DPYS: variants seen among roughly 807,000 people sequenced by gnomAD.
The protein encoded by DPYS is dihydropyrimidine amidohydrolase.
DPYS carries 39 observed loss-of-function variants against 50.3 expected under a neutral mutation model. That is an observed-to-expected ratio of 0.78 (90% CI 0.60 to 1.01). The LOEUF is 1.01. Among genes scored for constraint, DPYS ranks in the 50% least tolerant of loss-of-function variants. The pLI is 0.00. For synonymous variants in DPYS, 245 were observed against 250.7 expected (o/e 0.98, Z 0.22); for missense variants, 659 against 680.9 (o/e 0.97, Z 0.36).
At chr8:104,401,996 T>C (rs746913359) in intron 7 of DPYS, among the ~76,000 whole-genome samples, 1 of 152,204 alleles carries the variant, frequency 6.6e-6, no homozygotes, top group Non-Finnish European at 1.5e-5. Flanking sequence ...CGGTGCTCAG[T>C]AGATGACAAA....
intron 4 of DPYS, among the ~76,000 whole-genome samples, chr8:104,443,946 G>A (rs1386770044): frequency 1.3e-5 from 2 of 152,168 alleles, no homozygotes; most frequent in East Asian, 1.9e-4. Flanking sequence ...ATATTTAAAA[G>A]TGGCTGCTAG....
intron 9 of DPYS, among the ~76,000 whole-genome samples, chr8:104,380,294 G>T (rs145401062): frequency 6.6e-6 from 1 of 152,170 alleles, no homozygotes; most frequent in Non-Finnish European, 1.5e-5. Flanking sequence ...GTCAAACTGT[G>T]CCTCTCATTA....
At chr8:104,432,555 C>T (rs1044246798) in intron 4 of DPYS, among the ~76,000 whole-genome samples, 4 of 152,212 alleles carry the variant, frequency 2.6e-5, no homozygotes, top group African/African-American at 9.7e-5. Context: ...CAAAAGGATA[C>T]AGCCAAACTT....
chr8:104,408,542 C>G (rs186940323), intron 7 of DPYS, among the ~76,000 whole-genome samples: 7 of 152,336 alleles, frequency 4.6e-5, no homozygotes, highest in East Asian at 1.9e-4. Flanking sequence ...AGAGATTGTG[C>G]TGTATCAAAA....
rs1441479952 is a variant in DPYS at position 104,381,475 on chromosome 8, C to G, written c.1444-161G>C. 6.0e-6 allele frequency: 4 copies of G among 665,110 alleles called. No individual in the cohort carries two copies. The Admixed American group carries it at 8.8e-5, about 15-fold the overall frequency. 41.2% of individuals were successfully genotyped at this position (665,110 alleles called of 1,614,324 possible). ...GCCTTTCACGGAAATTCCTGGCAACCTTGAGAATCTGGATTGTCCCACTTT... is the reference window on the plus strand; with the variant it reads ...GCCTTTCACGGAAATTCCTGGCAACGTTGAGAATCTGGATTGTCCCACTTT... On this transcript the variant is annotated intron_variant, in intron 8 of 9. Transcript: ENST00000351513.
intron 1 of DPYS, among the ~76,000 whole-genome samples, chr8:104,456,808 T>TA (rs1238859430): frequency 6.6e-6 from 1 of 152,238 alleles, no homozygotes; most frequent in Admixed American, 6.5e-5. Context: ...CCAGTTTATC[T>TA]AAAAAACTCT....
At chr8:104,381,077 G>T (rs1811014350) in intron 9 of DPYS, 107 bp downstream of exon 9, 5 of 923,268 alleles carry the variant, frequency 5.4e-6, no homozygotes, top group South Asian at 1.4e-5. Flanking sequence ...CTTGAGTCTT[G>T]GATCACTGTG....
chr8:104,395,919 C>T (rs1035643685), intron 7 of DPYS, among the ~76,000 whole-genome samples: 1 of 150,596 alleles, frequency 6.6e-6, no homozygotes, highest in Non-Finnish European at 1.5e-5. Context: ...CAAAGAATCA[C>T]CAAGAAGCAG....
intron 1 of DPYS, among the ~76,000 whole-genome samples, chr8:104,461,386 T>C (rs751257494): frequency 1.3e-5 from 2 of 152,070 alleles, no homozygotes; most frequent in Non-Finnish European, 2.9e-5. Flanking sequence ...ATGGGAATGA[T>C]AATGGGCACA....
At chr8:104,397,623 G>A (rs1811637960) in intron 7 of DPYS, among the ~76,000 whole-genome samples, 1 of 152,146 alleles carries the variant, frequency 6.6e-6, no homozygotes, top group Non-Finnish European at 1.5e-5. Flanking sequence ...TGGCATCTTA[G>A]CTTATATGAA....
chr8:104,409,519 A>G (rs1250119955), intron 7 of DPYS, among the ~76,000 whole-genome samples: 1 of 152,166 alleles, frequency 6.6e-6, no homozygotes, highest in Admixed American at 6.5e-5. Context: ...AAAAAAATAC[A>G]AACTAAATAT....
intron 5 of DPYS, 32 bp from the exon 6 acceptor site, chr8:104,428,153 T>A: frequency 6.2e-7 from 1 of 1,613,936 alleles, no homozygotes; most frequent in Non-Finnish European, 8.5e-7. Flanking sequence ...AGTGATGGGG[T>A]GAGTATACAG....
chr8:104,382,453 C>T (rs1811084906), intron 8 of DPYS, among the ~76,000 whole-genome samples: 4 of 152,096 alleles, frequency 2.6e-5, no homozygotes, highest in Admixed American at 1.3e-4. Flanking sequence ...CCATTTCTAC[C>T]ACCTTGGACC....
At chr8:104,393,065 A>T in intron 7 of DPYS, 74 bp from the exon 8 acceptor site, 1 of 1,398,782 alleles carries the variant, frequency 7.1e-7, no homozygotes, top group Non-Finnish European at 1.0e-6. Context: ...TATTAAAAGA[A>T]GAATGACTTA....
chr8:104,447,159 AGTTTCTGAGCCACAGAAAATCC>A (rs1281135796), intron 3 of DPYS, among the ~76,000 whole-genome samples, 143 bp downstream of exon 3: 51 of 152,252 alleles, frequency 3.3e-4, no homozygotes, highest in Admixed American at 3.3e-3. Context: ...TGGAGTTGGG[AGTTTCTGAGCCACAGAAAATCC>A]GTTTCCGAGC....
chr8:104,392,826 T>C lies in DPYS; in HGVS notation c.1401A>G (p.Pro467=), dbSNP rs777367788. ...TTCGTTTGTAAATATATTCAGCAAA[T>C]GGTTTTCGAGGAATAAACTTCCCAT... ...AGDGKFIPRK[P]FAEYIYKRIK... The change falls in exon 8 of 10, where the codon CCA becomes CCG. Residue 467 remains proline (P), a synonymous_variant. Coordinates refer to ENST00000351513, the MANE Select transcript of DPYS (RefSeq NM_001385.3). 4.3e-6 allele frequency: 7 copies of C among 1,614,120 alleles called. No individual in the cohort carries two copies. The highest frequency in any genetic ancestry group is 1.7e-6 in the Non-Finnish European group (2 of 1,180,012).
At chr8:104,417,822 G>C (rs963619595) in intron 7 of DPYS, among the ~76,000 whole-genome samples, 5 of 152,150 alleles carry the variant, frequency 3.3e-5, no homozygotes, top group Non-Finnish European at 5.9e-5. Flanking sequence ...TCTTTCATCA[G>C]GATGTCCAAA....
intron 7 of DPYS, among the ~76,000 whole-genome samples, chr8:104,408,909 G>C (rs1173712593): frequency 6.6e-6 from 1 of 151,600 alleles, no homozygotes; most frequent in Non-Finnish European, 1.5e-5. Context: ...TGCCTCCCAG[G>C]TTTAAATGAT....
chr8:104,437,046 G>A (rs113306773), intron 4 of DPYS, among the ~76,000 whole-genome samples: 28 of 152,188 alleles, frequency 1.8e-4, no homozygotes, highest in African/African-American at 6.0e-4. Context: ...TTCCTAAAAT[G>A]TATAGCAAAA....
Sources: allele counts gnomAD v4.1 joint callset (sites outside exome capture counted in the v4.1 genomes callset), GRCh38; gene constraint gnomAD v4.1.1; transcripts MANE v1.5; gene names NCBI Gene and HGNC (gene_info 2026-07-23, HGNC 2026-07-21).